Variants in GRIA4 observed in about 807,000 individuals in gnomAD.
GRIA4 encodes glutamate receptor 4.
Under a neutral mutation model 104.0 loss-of-function variants are expected in GRIA4, and 34 were observed. The observed-to-expected ratio is 0.33, with a 90% CI of 0.25 to 0.44. The LOEUF (loss-of-function observed/expected upper bound fraction) is 0.44. Ranked by LOEUF, GRIA4 falls within the 20% of genes least tolerant of loss-of-function variation. The probability of loss-of-function intolerance (pLI) is 1.00; values close to 1 mark genes in which losing one functional copy is unlikely to be tolerated. For synonymous variants in GRIA4, 386 were observed against 381.9 expected (o/e 1.01, Z -0.13); for missense variants, 750 against 1,096.5 (o/e 0.68, Z 4.46).
At chr11:105,816,669 T>G (rs1173209041) in intron 4 of GRIA4, among the ~76,000 whole-genome samples, 1 of 152,088 alleles carries the variant, frequency 6.6e-6, no homozygotes. Flanking sequence ...CATAGTGTCT[T>G]ACATATTATA....
chr11:105,801,558 A>G (rs1160117385), intron 4 of GRIA4, among the ~76,000 whole-genome samples: 1 of 152,128 alleles, frequency 6.6e-6, no homozygotes, highest in Non-Finnish European at 1.5e-5. Context: ...AGTTAGAGAC[A>G]TAATTTTTTA....
chr11:105,804,988 G>C (rs1012503678), intron 4 of GRIA4, among the ~76,000 whole-genome samples: 1 of 151,858 alleles, frequency 6.6e-6, no homozygotes, highest in Non-Finnish European at 1.5e-5. Context: ...GAGAATCTCT[G>C]TATCCTCATA....
intron 3 of GRIA4, among the ~76,000 whole-genome samples, chr11:105,628,763 G>T (rs1212700587): frequency 2.6e-5 from 4 of 152,118 alleles, no homozygotes; most frequent in African/African-American, 9.7e-5. Flanking sequence ...ATTTGCTAAT[G>T]ATTGTATGTT....
At chr11:105,838,583 A>AT (rs1196746961) in intron 4 of GRIA4, among the ~76,000 whole-genome samples, 3 of 152,158 alleles carry the variant, frequency 2.0e-5, no homozygotes, top group South Asian at 2.1e-4. Flanking sequence ...ACTTTTATTT[A>AT]TTTTTTAAGC....
At position 105,981,955 on chromosome 11, in the gene GRIA4, T is replaced by G. The variant is rs1433677795; in HGVS notation, c.*2216T>G. ...CCATACTGCGTTGTAATTGCCTGTG[T>G]ACTCGTCTGTATAACTACTAGACTG... On this transcript the variant is annotated 3_prime_UTR_variant, in exon 17 of 17. Coordinates refer to ENST00000282499, the MANE Select transcript of GRIA4 (RefSeq NM_000829.4). 1 of 151,286 alleles carries G rather than the reference T, an allele frequency of 6.6e-6. No individual in the cohort carries two copies. Among genetic ancestry groups the G allele is most frequent in the East Asian group, 2.0e-4 (1 of 5,002 alleles). 9.4% of individuals were successfully genotyped at this position (151,286 alleles called of 1,614,324 possible). A position where few individuals can be genotyped will look rare whatever the true frequency, so the allele number is the denominator to read the frequency against.
intron 3 of GRIA4, among the ~76,000 whole-genome samples, chr11:105,677,073 A>C (rs1182047320): frequency 1.3e-5 from 2 of 151,960 alleles, no homozygotes; most frequent in African/African-American, 4.8e-5. Flanking sequence ...TAATATTTTC[A>C]AATAAATAAA....
intron 3 of GRIA4, among the ~76,000 whole-genome samples, chr11:105,725,883 T>C (rs1938173122): frequency 6.6e-6 from 1 of 152,156 alleles, no homozygotes; most frequent in Non-Finnish European, 1.5e-5. Flanking sequence ...GCTTTGCCCA[T>C]GGTCTTTGCA....
At chr11:105,763,962 C>T (rs1940804081) in intron 4 of GRIA4, among the ~76,000 whole-genome samples, 1 of 152,158 alleles carries the variant, frequency 6.6e-6, no homozygotes, top group Non-Finnish European at 1.5e-5. Context: ...AAGATTTGAA[C>T]TATGACTCAT....
intron 13 of GRIA4, among the ~76,000 whole-genome samples, chr11:105,930,037 T>C (rs552787335): frequency 6.6e-6 from 1 of 152,236 alleles, no homozygotes; most frequent in South Asian, 2.1e-4. Flanking sequence ...GACACTACAG[T>C]TGAAGGTTTT....
chr11:105,822,237 A>T (rs953377641), intron 4 of GRIA4, among the ~76,000 whole-genome samples: 5 of 152,130 alleles, frequency 3.3e-5, no homozygotes, highest in African/African-American at 1.2e-4. Flanking sequence ...CAAAAGACAT[A>T]TAGCTAGGAG....
In GRIA4 at chr11:105,867,976, G is replaced by A. The variant is rs189923466; in HGVS notation, c.672+5768G>A. On this transcript the variant is annotated intron_variant, in intron 5 of 16. Transcript: ENST00000282499. Reference sequence around the variant, plus strand: ...GACATTGTTCCAGGCACTGCAATGCGTGCTGTACAAAGGTGAGCAACTCAT... The same window carrying A: ...GACATTGTTCCAGGCACTGCAATGCATGCTGTACAAAGGTGAGCAACTCAT... 1.8e-3 allele frequency among the ~76,000 whole-genome samples: 268 copies of A among 152,244 alleles called. 2 individuals are homozygous for A. Among genetic ancestry groups the A allele is most frequent in the Non-Finnish European group, 9.3e-4 (63 of 68,010 alleles).
intron 11 of GRIA4, among the ~76,000 whole-genome samples, chr11:105,922,661 T>G (rs1379311713): frequency 6.6e-6 from 1 of 152,134 alleles, no homozygotes; most frequent in Non-Finnish European, 1.5e-5. Flanking sequence ...CATTATATTA[T>G]TTGAGAAGAG....
At chr11:105,802,842 T>G (rs1942780854) in intron 4 of GRIA4, among the ~76,000 whole-genome samples, 1 of 151,812 alleles carries the variant, frequency 6.6e-6, no homozygotes, top group Non-Finnish European at 1.5e-5. Flanking sequence ...AAAATTTACA[T>G]TAGGTTTATT....
At chr11:105,834,106 C>T (rs1944086074) in intron 4 of GRIA4, among the ~76,000 whole-genome samples, 1 of 151,956 alleles carries the variant, frequency 6.6e-6, no homozygotes, top group African/African-American at 2.4e-5. Context: ...CCAGGGACAT[C>T]TAAGAATAAG....
At chr11:105,938,256 T>C (rs528168241) in intron 14 of GRIA4, among the ~76,000 whole-genome samples, 2 of 152,334 alleles carry the variant, frequency 1.3e-5, no homozygotes, top group East Asian at 1.9e-4. Context: ...TATACTTTAG[T>C]TCAGGAGTAC....
At chr11:105,724,476 T>A (rs889060108) in intron 3 of GRIA4, among the ~76,000 whole-genome samples, 1 of 151,884 alleles carries the variant, frequency 6.6e-6, no homozygotes. Context: ...TGAAATCACA[T>A]CTTTCACAGC....
intron 3 of GRIA4, among the ~76,000 whole-genome samples, chr11:105,687,906 T>C (rs1169808610): frequency 1.3e-5 from 2 of 152,208 alleles, no homozygotes; most frequent in Non-Finnish European, 2.9e-5. Context: ...TTATCAATTT[T>C]ATTTATCTTC....
chr11:105,673,748 A>C (rs984851077), intron 3 of GRIA4, among the ~76,000 whole-genome samples: 5 of 152,042 alleles, frequency 3.3e-5, no homozygotes, highest in African/African-American at 7.2e-5. Context: ...TTTCTTAAAA[A>C]TAAAATTTGG....
In GRIA4 at chr11:105,917,815, G is replaced by GGTGTGTGTGT. The variant is rs147308478; in HGVS notation, c.1270-866_1270-857dup. Reference sequence around the variant, plus strand: ...ATGTCTTTTAATGGTTTGGTTTAAGGGTGTGTGTGTGTGTGTGTGTGTGTG... The same window carrying GGTGTGTGTGT: ...ATGTCTTTTAATGGTTTGGTTTAAGGGTGTGTGTGTGTGTGTGTGTGTGTGTGTGTGTGTG... On this transcript the variant is annotated intron_variant, in intron 10 of 16. Transcript: ENST00000282499. 6.5e-3 allele frequency among the ~76,000 whole-genome samples: 928 copies of GGTGTGTGTGT among 142,764 alleles called. 9 individuals carry two copies. The highest frequency in any genetic ancestry group is 0.012 in the African/African-American group (475 of 38,438). The allele number at this position is 142,764 out of a possible 152,430, so 93.7% of individuals were successfully genotyped here.
Sources: allele counts gnomAD v4.1 joint callset (sites outside exome capture counted in the v4.1 genomes callset), GRCh38; gene constraint gnomAD v4.1.1; transcripts MANE v1.5; gene names NCBI Gene and HGNC (gene_info 2026-07-23, HGNC 2026-07-21).